MRFAP1L2: variants seen among roughly 807,000 people sequenced by gnomAD.
MRFAP1L2 encodes Morf4 family associated protein 1 like 2, also known as MORF4 family-associated protein 1-like protein UPP.
At chr4:6,674,782 G>T in the MRFAP1L2 span, 2 of 490,296 alleles carry the variant, frequency 4.1e-6, no homozygotes, top group Non-Finnish European at 7.2e-6. Flanking sequence ...ACGTAGACCT[G>T]GTGGGTCACT....
the MRFAP1L2 span, chr4:6,674,223 T>G: frequency 7.4e-6 from 3 of 403,932 alleles, no homozygotes; most frequent in Non-Finnish European, 1.3e-5. Flanking sequence ...ATGCGGCCCG[T>G]GGACGCGGAC....
At chr4:6,674,801 GGA>G in the MRFAP1L2 span, 1 of 467,660 alleles carries the variant, frequency 2.1e-6, no homozygotes, top group Non-Finnish European at 3.8e-6. Context: ...CTACGTGGGG[GGA>G]GAGAGGTGTG....
the MRFAP1L2 span, chr4:6,674,328 C>G: frequency 0.025 from 15,362 of 626,718 alleles, 287 homozygotes; most frequent in East Asian, 0.057. Flanking sequence ...CGCGAGCGCG[C>G]CCGGGCGCAC....
At chr4:6,675,366 T>C in the MRFAP1L2 span, 1 of 152,216 alleles carries the variant, frequency 6.6e-6, no homozygotes, top group Non-Finnish European at 1.5e-5. Context: ...ATTTGGGGAC[T>C]CATGAGAGAC....
At chr4:6,675,708 C>T in the MRFAP1L2 span, 1 of 152,198 alleles carries the variant, frequency 6.6e-6, no homozygotes, top group Admixed American at 6.5e-5. Flanking sequence ...GTTCTAGGTA[C>T]ATGTGTTTGC....
chr4:6,674,695 C>T, the MRFAP1L2 span: 1 of 524,992 alleles, frequency 1.9e-6, no homozygotes. Context: ...TGGTTTCATT[C>T]TTTTTTCATA....
At chr4:6,674,206 C>T in the MRFAP1L2 span, 3 of 394,350 alleles carry the variant, frequency 7.6e-6, no homozygotes, top group Non-Finnish European at 1.3e-5. Context: ...GAAGAGGCGG[C>T]GGCGTGATGC....
At chr4:6,674,471 C>T in the MRFAP1L2 span, 3 of 662,966 alleles carry the variant, frequency 4.5e-6, no homozygotes, top group Non-Finnish European at 2.7e-6. Context: ...GCGGGTGGCT[C>T]GGCTGTGCGC....
chr4:6,674,435 C>T, the MRFAP1L2 span: 45 of 656,910 alleles, frequency 6.9e-5, no homozygotes, highest in Middle Eastern at 3.8e-4. Context: ...GGCCCCAGCA[C>T]CCCGCCCGCG....
the MRFAP1L2 span, chr4:6,674,467 G>C: frequency 1.5e-6 from 1 of 662,562 alleles, no homozygotes; most frequent in Non-Finnish European, 2.7e-6. Flanking sequence ...AGGAGCGGGT[G>C]GCTCGGCTGT....
the MRFAP1L2 span, chr4:6,674,303 C>T: frequency 3.4e-6 from 2 of 582,188 alleles, no homozygotes; most frequent in Non-Finnish European, 6.1e-6. Flanking sequence ...CCGCGAGAAC[C>T]TGGCCTCCCT....
chr4:6,674,694 T>C, the MRFAP1L2 span: 2 of 525,392 alleles, frequency 3.8e-6, no homozygotes, highest in South Asian at 4.8e-5. Flanking sequence ...TTGGTTTCAT[T>C]CTTTTTTCAT....
At chr4:6,675,634 C>A in the MRFAP1L2 span, 2 of 152,132 alleles carry the variant, frequency 1.3e-5, no homozygotes, top group African/African-American at 4.8e-5. Context: ...TGTAATTTTC[C>A]TATGGCATGT....
the MRFAP1L2 span, chr4:6,674,773 C>G: frequency 2.0e-6 from 1 of 494,828 alleles, no homozygotes; most frequent in Non-Finnish European, 3.6e-6. Context: ...ATTTTCAGGA[C>G]GTAGACCTGG....
the MRFAP1L2 span, chr4:6,675,173 T>G: frequency 6.6e-6 from 1 of 152,402 alleles, no homozygotes; most frequent in South Asian, 2.1e-4. Context: ...TCAGGTGTAT[T>G]TTTTTATTAA....
At chr4:6,674,322 AGC>A in the MRFAP1L2 span, 2 of 619,826 alleles carry the variant, frequency 3.2e-6, no homozygotes, top group Non-Finnish European at 5.8e-6. Context: ...CTGGAGCGCG[AGC>A]GCGCCCGGGC....
chr4:6,674,349 G>A, the MRFAP1L2 span: 2 of 634,084 alleles, frequency 3.2e-6, no homozygotes, highest in Non-Finnish European at 5.6e-6. Flanking sequence ...TGGCGGGCCC[G>A]CAGGAAGCTG....
the MRFAP1L2 span, chr4:6,674,901 A>C: frequency 3.7e-6 from 1 of 266,826 alleles, no homozygotes; most frequent in East Asian, 7.3e-5. Flanking sequence ...AGCATTGTGC[A>C]CAGGTGGTTG....
chr4:6,675,605 A>T, the MRFAP1L2 span: 2 of 152,124 alleles, frequency 1.3e-5, no homozygotes, highest in Non-Finnish European at 2.9e-5. Flanking sequence ...TTTTTATAGC[A>T]TTTTGCTTTT....
Sources: allele counts gnomAD v4.1 joint callset, GRCh38; gene constraint gnomAD v4.1.1; transcripts MANE v1.5; gene names NCBI Gene and HGNC (gene_info 2026-07-23, HGNC 2026-07-21).